Variants in ADAMTS9 observed in about 807,000 individuals in gnomAD.
ADAMTS9 encodes A disintegrin and metalloproteinase with thrombospondin motifs 9.
In ADAMTS9, 107 loss-of-function variants were observed where a neutral mutation model predicts 257.1. The observed-to-expected ratio is 0.42, with a 90% CI of 0.36 to 0.49. The LOEUF is 0.49. Among genes scored for constraint, ADAMTS9 ranks in the 20% least tolerant of loss-of-function variants. ADAMTS9 has a pLI of 0.03. For synonymous variants in ADAMTS9, 982 were observed against 880.9 expected (o/e 1.11, Z -2.03); for missense variants, 2,353 against 2,469.1 (o/e 0.95, Z 1.00).
At chr3:64,562,241 C>T (rs1006076265) in intron 29 of ADAMTS9, among the ~76,000 whole-genome samples, 1 of 152,138 alleles carries the variant, frequency 6.6e-6, no homozygotes, top group African/African-American at 2.4e-5. Flanking sequence ...ATTATTTTCT[C>T]CAGTCTCTTC....
Position 64,631,930 on chromosome 3 carries a change from TA to T in ADAMTS9, c.2176-6del, listed in dbSNP as rs1559801417. The T allele has an allele frequency of 6.2e-7, 1 of 1,601,090 alleles. No individual in the cohort carries two copies. The highest frequency in any genetic ancestry group is 8.6e-7 in the Non-Finnish European group (1 of 1,169,196). ...AACATGATCGCATCCAGCTTGCTTT[TA>T]AAAAGAAAAGATTTGAAATAAATGT... On this transcript the variant is annotated splice_region_variant and splice_polypyrimidine_tract_variant and intron_variant, in intron 14 of 39. Transcript: ENST00000498707.
At chr3:64,536,048 T>C (rs1334790495) in intron 37 of ADAMTS9, among the ~76,000 whole-genome samples, 3 of 152,096 alleles carry the variant, frequency 2.0e-5, no homozygotes, top group Non-Finnish European at 4.4e-5. Flanking sequence ...TTTCCGGAGG[T>C]CCAGGCGGCT....
intron 28 of ADAMTS9, among the ~76,000 whole-genome samples, chr3:64,577,021 G>C (rs2083869978): frequency 6.6e-6 from 1 of 152,146 alleles, no homozygotes; most frequent in African/African-American, 2.4e-5. Flanking sequence ...CTTCATATTA[G>C]AGGGGAAAAT....
chr3:64,567,587 C>T (rs1576033159), intron 29 of ADAMTS9, among the ~76,000 whole-genome samples: 1 of 152,042 alleles, frequency 6.6e-6, no homozygotes, highest in Non-Finnish European at 1.5e-5. Context: ...ACAGAAGCTT[C>T]TAAGGTTCCT....
chr3:64,652,823 C>A lies in ADAMTS9; in HGVS notation c.1316+1530G>T, dbSNP rs986177057. On this transcript the variant is annotated intron_variant, in intron 8 of 39. Coordinates refer to ENST00000498707, the MANE Select transcript of ADAMTS9 (RefSeq NM_182920.2). ...AGGTTGAACATCCCTAATCTCAAAACCCCAAATCCAAAATCCTCCAAGACC... is the reference window on the plus strand; with the variant it reads ...AGGTTGAACATCCCTAATCTCAAAAACCCAAATCCAAAATCCTCCAAGACC... Among the ~76,000 whole-genome samples the A allele has an allele frequency of 2.0e-5, 3 of 152,130 alleles. No homozygotes were observed. In the East Asian group the frequency reaches 5.8e-4, roughly 29 times the overall value.
intron 28 of ADAMTS9, chr3:64,589,075 T>C (rs1435108241): frequency 6.6e-6 from 1 of 152,224 alleles, no homozygotes; most frequent in Non-Finnish European, 1.5e-5. Context: ...TTATAAAAAA[T>C]ACATATGCAT....
intron 28 of ADAMTS9, among the ~76,000 whole-genome samples, chr3:64,592,137 A>C (rs962394139): frequency 1.3e-5 from 2 of 152,240 alleles, no homozygotes; most frequent in Admixed American, 1.3e-4. Context: ...TATTACAAAG[A>C]TATTTTAAAG....
intron 39 of ADAMTS9, among the ~76,000 whole-genome samples, chr3:64,520,172 C>A (rs534570743): frequency 6.6e-6 from 1 of 152,040 alleles, no homozygotes; most frequent in Admixed American, 6.6e-5. Context: ...AGAACCAAAT[C>A]AAGAATGCAA....
intron 39 of ADAMTS9, among the ~76,000 whole-genome samples, chr3:64,520,937 T>A (rs1298861632): frequency 6.6e-6 from 1 of 151,810 alleles, no homozygotes; most frequent in South Asian, 2.1e-4. Context: ...AAAATGAAAA[T>A]TGATAATGGA....
At chr3:64,525,172 C>A (rs531526820) in intron 38 of ADAMTS9, among the ~76,000 whole-genome samples, 1 of 152,096 alleles carries the variant, frequency 6.6e-6, no homozygotes, top group South Asian at 2.1e-4. Flanking sequence ...TGGCTCATAA[C>A]GATACGAAAT....
Position 64,655,813 on chromosome 3 carries a change from T to G in ADAMTS9, c.1032A>C (p.Leu344Phe). Residue 344 changes from leucine to phenylalanine, a missense_variant, in exon 5 of 40, where the codon TTA becomes TTC. Transcript: ENST00000498707. ...TTACCTGTTCATTATGAATCACAAT[T>G]AAGTTCACAATAACAATATTAATTA... ...GNLINIVIVNLIVIHNEQDGP... is the reference protein window; with the variant it reads ...GNLINIVIVNFIVIHNEQDGP... 1 of 1,574,624 alleles carries G rather than the reference T, an allele frequency of 6.4e-7. No individual in the cohort carries two copies. The highest frequency in any genetic ancestry group is 8.6e-7 in the Non-Finnish European group (1 of 1,164,136).
At chr3:64,520,835 A>C (rs2082843036) in intron 39 of ADAMTS9, among the ~76,000 whole-genome samples, 2 of 152,226 alleles carry the variant, frequency 1.3e-5, no homozygotes, top group South Asian at 4.1e-4. Flanking sequence ...ACTTCAAAAC[A>C]TAAAAATTCT....
In ADAMTS9 at chr3:64,546,870, T is replaced by C; in HGVS notation, c.4952A>G (p.Tyr1651Cys). The change falls in exon 32 of 40, where the codon TAC (tyrosine) becomes TGC (cysteine). Residue 1651 changes from tyrosine to cysteine, a missense_variant. Around this residue, in one of 3 missense-constraint regions of ADAMTS9, gnomAD observed 1,402 missense variants for 1,441.4 expected, o/e 0.97. Transcript: ENST00000498707. The stretch of plus-strand genomic sequence containing the variant: ...GCAGTTGATGGTGGTTTGGTAGCTG[T>C]ATTCATAATTCTCCTTCCCGGTGTA... ...EIYTGKENYE[Y>C]SYQTTINCPG... 6.2e-7 allele frequency: 1 copy of C among 1,614,114 alleles called. No homozygotes were observed. Among genetic ancestry groups the C allele is most frequent in the Non-Finnish European group, 8.5e-7 (1 of 1,180,004 alleles).
At chr3:64,554,404 C>T (rs1290046707) in intron 30 of ADAMTS9, among the ~76,000 whole-genome samples, 3 of 152,188 alleles carry the variant, frequency 2.0e-5, no homozygotes, top group Non-Finnish European at 4.4e-5. Context: ...AGGGTTTTCT[C>T]CTGGAATCTT....
intron 28 of ADAMTS9, 128 bp downstream of exon 28, chr3:64,594,130 T>C (rs2084315539): frequency 2.0e-6 from 2 of 981,226 alleles, no homozygotes; most frequent in Non-Finnish European, 1.5e-6. Flanking sequence ...GAGAAAATAA[T>C]AGACTATTTA....
Position 64,633,878 on chromosome 3 carries a change from G to A in ADAMTS9, c.1858C>T (p.Pro620Ser), listed in dbSNP as rs747433668. 6.2e-7 allele frequency: 1 copy of A among 1,609,730 alleles called. No individual in the cohort carries two copies. Among genetic ancestry groups the A allele is most frequent in the South Asian group, 1.1e-5 (1 of 90,346 alleles). Residue 620 changes from proline to serine, a missense_variant and splice_region_variant, in exon 13 of 40, where the codon CCA becomes TCA. By Grantham distance (74) the Pro-to-Ser change is moderately conservative (BLOSUM62 -1). This residue lies in a region of ADAMTS9 where 360 missense variants were observed against 458.1 expected (regional missense o/e 0.79). Coordinates refer to ENST00000498707, the MANE Select transcript of ADAMTS9 (RefSeq NM_182920.2). ...ACACAGTATTTTCCACCATTTTTTG[G>A]TCTGAAAAAGAAAAAATGTGAAGAG... ...TAIRECNRPEPKNGGKYCVGR... is the reference protein window; with the variant it reads ...TAIRECNRPESKNGGKYCVGR...
chr3:64,622,512 T>C lies in ADAMTS9; in HGVS notation c.2464A>G (p.Ile822Val). Residue 822 changes from isoleucine (I) to valine (V), a missense_variant, in exon 17 of 40, where the codon ATT (isoleucine) becomes GTT (valine). Transcript: ENST00000498707. ...VVTMAKREIR[I>V]GNAVVEYSGS... Reference sequence around the variant, plus strand: ...CTGTACTCTACCACAGCATTCCCAATGCGAATTTCCCTTTTGGCCATTGTG... The same window carrying C: ...CTGTACTCTACCACAGCATTCCCAACGCGAATTTCCCTTTTGGCCATTGTG... 1.2e-6 allele frequency: 2 copies of C among 1,614,150 alleles called. No individual in the cohort carries two copies. The highest frequency in any genetic ancestry group is 1.7e-6 in the Non-Finnish European group (2 of 1,179,992).
intron 12 of ADAMTS9, among the ~76,000 whole-genome samples, chr3:64,641,246 C>CT (rs61090961): frequency 0.065 from 9,316 of 144,260 alleles, 352 homozygotes; most frequent in African/African-American, 0.11. Flanking sequence ...AGTGTGCTAT[C>CT]TTTTTTTTTT....
intron 3 of ADAMTS9, among the ~76,000 whole-genome samples, chr3:64,661,935 A>T (rs4688496): frequency 0.7 from 106,660 of 151,372 alleles, 38,643 homozygotes; most frequent in African/African-American, 0.89. Context: ...ATTTCTGCTC[A>T]AATCTCGATT....
Sources: gnomAD v4.1 joint callset for allele counts (sites outside exome capture counted in the v4.1 genomes callset) on GRCh38, gnomAD v4.1.1 for gene constraint, gnomAD v4.1.1 regional missense constraint, MANE v1.5 for transcripts, NCBI Gene and HGNC (gene_info 2026-07-23, HGNC 2026-07-21) for gene names.